Variants in APOOL observed in about 807,000 individuals in gnomAD.
APOOL encodes the protein MICOS complex subunit MIC27.
Under a neutral mutation model 23.1 loss-of-function variants are expected in APOOL, and 12 were observed. The observed-to-expected ratio is 0.52, with a 90% CI of 0.33 to 0.84. The LOEUF is 0.84. APOOL is among the 40% of genes least tolerant of loss of function. The pLI, the probability that APOOL is intolerant of heterozygous loss-of-function variation, is 0.02. For synonymous variants in APOOL, 77 were observed against 69.9 expected, an observed-to-expected ratio of 1.10 and a Z score of -0.51; for missense variants, 212 against 199.6, an observed-to-expected ratio of 1.06 and a Z score of -0.37.
chrX:85,049,938 ATAAC>A (rs1313125748), intron 2 of APOOL, among the ~76,000 whole-genome samples: 3 of 111,945 alleles, frequency 2.7e-5, no homozygotes, highest in African/African-American at 9.7e-5. Context: ...ATGTAAGTAA[ATAAC>A]GTTGCCCACT....
chrX:85,063,369 T>A (rs1353069711), intron 5 of APOOL, among the ~76,000 whole-genome samples: 2 of 111,447 alleles, frequency 1.8e-5, no homozygotes, highest in Non-Finnish European at 3.8e-5. Flanking sequence ...TTATCTTGCC[T>A]AATTGCCCTG....
At chrX:85,055,738 C>A in intron 4 of APOOL, 89 bp from the exon 5 acceptor site, 1 of 614,043 alleles carries the variant, frequency 1.6e-6, no homozygotes, top group Non-Finnish European at 2.4e-6. Flanking sequence ...ATTATCTTAG[C>A]AAATCTCTTT....
intron 5 of APOOL, among the ~76,000 whole-genome samples, chrX:85,061,282 C>G (rs923987826): frequency 1.8e-5 from 2 of 111,121 alleles, no homozygotes; most frequent in African/African-American, 6.6e-5. Context: ...ATTTGGTTTG[C>G]CAGTATTTTA....
At position 85,049,858 on chromosome X, in the gene APOOL, C is replaced by A. The variant is rs759825431; in HGVS notation, c.121-1531C>A. Among the ~76,000 whole-genome samples, 125 of 111,131 alleles carry A rather than the reference C, an allele frequency of 1.1e-3. 1 individual carries two copies. The Admixed American group carries it at 0.012, about 10-fold the overall frequency. On this transcript the variant is annotated intron_variant, in intron 2 of 8. Transcript: ENST00000373173. The stretch of plus-strand genomic sequence containing the variant: ...GGGGACAGAGGAGAGAGAATAAGAA[C>A]AATGAGTGTAATAAAGTTTGGAATT...
chrX:85,072,058 G>T (rs902815890), intron 6 of APOOL, among the ~76,000 whole-genome samples: 3 of 111,905 alleles, frequency 2.7e-5, no homozygotes, highest in African/African-American at 9.7e-5. Flanking sequence ...GCAGTGAGCT[G>T]AGATCACGCC....
Position 85,088,803 on chromosome X carries a change from G to C in APOOL, c.*1125G>C, listed in dbSNP as rs1339018982. 1 of 47,513 alleles carries C rather than the reference G, an allele frequency of 2.1e-5. No individual in the cohort carries two copies. The highest frequency in any genetic ancestry group is 3.9e-5 in the Non-Finnish European group (1 of 25,540). 3.9% of individuals were successfully genotyped at this position (47,513 alleles called of 1,213,427 possible). A position where few individuals can be genotyped will look rare whatever the true frequency, so the allele number is the denominator to read the frequency against. On this transcript the variant is annotated 3_prime_UTR_variant, in exon 9 of 9. Transcript: ENST00000373173. The stretch of plus-strand genomic sequence containing the variant: ...CCACCCTGTTTAATTTCTAGTCTTC[G>C]GTTTCTCTTTTTACAGTGAGCAAAT...
At chrX:85,014,608 G>A (rs955173058) in intron 1 of APOOL, among the ~76,000 whole-genome samples, 1 of 109,223 alleles carries the variant, frequency 9.2e-6, no homozygotes, top group East Asian at 2.9e-4. Context: ...AAAATTACTG[G>A]CTGACAATTA....
chrX:85,069,455 C>G (rs773155989), intron 6 of APOOL, among the ~76,000 whole-genome samples: 1 of 108,583 alleles, frequency 9.2e-6, no homozygotes, highest in African/African-American at 3.3e-5. Flanking sequence ...AGTAAAAATA[C>G]AAAAATTAGC....
At chrX:85,007,492 A>G (rs781067089) in intron 1 of APOOL, among the ~76,000 whole-genome samples, 1 of 111,733 alleles carries the variant, frequency 8.9e-6, no homozygotes. Flanking sequence ...AGAGCATTCT[A>G]TTTTAATGAG....
chrX:85,067,056 A>G (rs1890615546), intron 5 of APOOL, 71 bp from the exon 6 acceptor site: 4 of 672,039 alleles, frequency 6.0e-6, no homozygotes, highest in Admixed American at 6.0e-5. Flanking sequence ...CAAAGAAAGC[A>G]TTACGGTATA....
At chrX:85,056,032 C>A in intron 5 of APOOL, 107 bp downstream of exon 5, 2 of 527,683 alleles carry the variant, frequency 3.8e-6, no homozygotes, top group Non-Finnish European at 5.7e-6. Flanking sequence ...TCTGGATAGG[C>A]TACTGTAAAG....
intron 5 of APOOL, among the ~76,000 whole-genome samples, chrX:85,056,995 G>A (rs184007955): frequency 9.0e-6 from 1 of 111,452 alleles, no homozygotes; most frequent in East Asian, 2.9e-4. Context: ...ATCATACATA[G>A]ACTGGCTTCT....
intron 1 of APOOL, among the ~76,000 whole-genome samples, chrX:85,007,315 G>C (rs1921113586): frequency 9.0e-6 from 1 of 111,345 alleles, no homozygotes; most frequent in Non-Finnish European, 1.9e-5. Flanking sequence ...CCAATGCTGA[G>C]TGTTGTCAAA....
chrX:85,027,425 A>C (rs772429148), intron 1 of APOOL, among the ~76,000 whole-genome samples: 1 of 111,255 alleles, frequency 9.0e-6, no homozygotes, highest in South Asian at 3.8e-4. Flanking sequence ...TTTAGATAAT[A>C]TATTGGAGCA....
rs1180190731 is a variant in APOOL at position 85,025,711 on chromosome X, G to A, written c.16-20735G>A. On this transcript the variant is annotated intron_variant, in intron 1 of 8. Coordinates refer to ENST00000373173, the MANE Select transcript of APOOL (RefSeq NM_198450.6). Reference sequence around the variant, plus strand: ...CCAAAATAATCTCTTTTGACTCTACGTTCCATATCCAGGGCACACTGCTGC... The same window carrying A: ...CCAAAATAATCTCTTTTGACTCTACATTCCATATCCAGGGCACACTGCTGC... 2.7e-5 allele frequency among the ~76,000 whole-genome samples: 3 copies of A among 112,733 alleles called. No individual in the cohort carries two copies. In the Admixed American group the frequency reaches 2.8e-4, roughly 11 times the overall value.
At chrX:85,058,527 A>G (rs977860152) in intron 5 of APOOL, among the ~76,000 whole-genome samples, 1 of 111,902 alleles carries the variant, frequency 8.9e-6, no homozygotes, top group Non-Finnish European at 1.9e-5. Flanking sequence ...TAGTGCTGCA[A>G]TGAACATATG....
chrX:85,051,652 G>A, intron 3 of APOOL, 144 bp downstream of exon 3: 1 of 856,716 alleles, frequency 1.2e-6, no homozygotes, highest in Non-Finnish European at 1.6e-6. Flanking sequence ...TGTAAGTCAT[G>A]AATTTGATCT....
intron 1 of APOOL, among the ~76,000 whole-genome samples, chrX:85,023,161 G>C (rs1054068244): frequency 1.8e-5 from 2 of 111,053 alleles, no homozygotes; most frequent in Admixed American, 1.9e-4. Flanking sequence ...GAAACAACAT[G>C]ATCTTTATAT....
chrX:85,006,939 A>G (rs754748791), intron 1 of APOOL, among the ~76,000 whole-genome samples: 25 of 111,662 alleles, frequency 2.2e-4, no homozygotes, highest in African/African-American at 7.8e-4. Flanking sequence ...CAAGAGAACA[A>G]GTGGAGGGAT....
Sources: allele counts gnomAD v4.1 joint callset (sites outside exome capture counted in the v4.1 genomes callset), GRCh38; gene constraint gnomAD v4.1.1; transcripts MANE v1.5; gene names NCBI Gene and HGNC (gene_info 2026-07-23, HGNC 2026-07-21).